PCLO: variants seen among roughly 807,000 people sequenced by gnomAD.
The protein encoded by PCLO is protein piccolo.
In PCLO, 82 loss-of-function variants were observed where a neutral mutation model predicts 427.5. The ratio of observed to expected loss-of-function variants is 0.19; its 90% CI spans 0.16 to 0.23. The LOEUF is 0.23. PCLO is among the 10% of genes least tolerant of loss of function. The probability of loss-of-function intolerance (pLI) is 1.00; values close to 1 mark genes in which losing one functional copy is unlikely to be tolerated. For missense variants in PCLO, 6,239 were observed against 6,115.9 expected, an observed-to-expected ratio of 1.02 and a Z score of -0.67; for synonymous variants, 2,357 against 2,155.4, an observed-to-expected ratio of 1.09 and a Z score of -2.59.
At chr7:82,971,198 G>A (rs114310813) in intron 3 of PCLO, among the ~76,000 whole-genome samples, 2,403 of 151,754 alleles carry the variant, frequency 0.016, 57 homozygotes, top group African/African-American at 0.048. Context: ...TTTCACTTAC[G>A]TAACAACTCA....
chr7:83,133,797 A>G (rs1240146491), intron 3 of PCLO, among the ~76,000 whole-genome samples: 1 of 152,062 alleles, frequency 6.6e-6, no homozygotes, highest in Non-Finnish European at 1.5e-5. Context: ...TATTCAACCA[A>G]ACAAACTTCT....
intron 3 of PCLO, among the ~76,000 whole-genome samples, chr7:82,989,033 G>C (rs1260705777): frequency 1.3e-5 from 2 of 151,580 alleles, no homozygotes; most frequent in Non-Finnish European, 2.9e-5. Context: ...TATGGGGTCA[G>C]GCTGGGTCTC....
At chr7:83,118,220 G>T (rs889577950) in intron 3 of PCLO, among the ~76,000 whole-genome samples, 1 of 152,066 alleles carries the variant, frequency 6.6e-6, no homozygotes, top group Non-Finnish European at 1.5e-5. Flanking sequence ...AATGTGGAAG[G>T]TTATTTTTAT....
intron 3 of PCLO, among the ~76,000 whole-genome samples, chr7:83,035,048 T>C (rs1395899254): frequency 6.6e-6 from 1 of 152,216 alleles, no homozygotes; most frequent in African/African-American, 2.4e-5. Flanking sequence ...CTTTAGGTGA[T>C]ATAATATCCA....
At chr7:82,826,695 TC>T in intron 17 of PCLO, 35 bp from the exon 18 acceptor site, 1 of 1,349,714 alleles carries the variant, frequency 7.4e-7, no homozygotes, top group Non-Finnish European at 1.0e-6. Flanking sequence ...ATTAAACCTA[TC>T]TTTCCATCAT....
Position 82,914,814 on chromosome 7 carries a change from T to C in PCLO, c.13172A>G (p.Gln4391Arg), listed in dbSNP as rs757742605. 6.2e-7 allele frequency: 1 copy of C among 1,613,514 alleles called. No homozygotes were observed. Among genetic ancestry groups the C allele is most frequent in the Non-Finnish European group, 8.5e-7 (1 of 1,179,702 alleles). Residue 4391 changes from glutamine (Q) to arginine (R), a missense_variant, in exon 7 of 25, where the codon CAG (glutamine) becomes CGG (arginine). Gln to Arg is a conservative substitution (Grantham distance 43, BLOSUM62 1). Coordinates refer to ENST00000333891, the MANE Select transcript of PCLO (RefSeq NM_033026.6). ...AGGCAATGAGTGGCTTGATCCAAAC[T>C]GATCCCTGGTGTCTGCAGATATTGG... is the stretch of plus-strand genomic sequence containing the variant. ...LPPISADTRD[Q>R]FGSSHSLPEV...
intron 3 of PCLO, among the ~76,000 whole-genome samples, chr7:83,005,374 A>G (rs1436958402): frequency 1.3e-5 from 2 of 151,706 alleles, no homozygotes; most frequent in African/African-American, 4.8e-5. Flanking sequence ...AGTCGAACTC[A>G]CAGAAACAGA....
chr7:82,829,278 G>C (rs1318717936), intron 16 of PCLO, among the ~76,000 whole-genome samples: 1 of 152,108 alleles, frequency 6.6e-6, no homozygotes, highest in Non-Finnish European at 1.5e-5. Context: ...TCTGGTGGTG[G>C]GAGGTGGGTC....
chr7:82,821,908 C>G, intron 20 of PCLO: 1 of 985,396 alleles, frequency 1.0e-6, no homozygotes, highest in Admixed American at 6.1e-5. Flanking sequence ...CAATTTTTTG[C>G]ACATGGAAAG....
chr7:82,764,706 C>A (rs1790497679), intron 22 of PCLO, among the ~76,000 whole-genome samples: 1 of 151,784 alleles, frequency 6.6e-6, no homozygotes, highest in East Asian at 1.9e-4. Flanking sequence ...CAAAGAAAGA[C>A]ACTGTATGAA....
At chr7:82,834,447 C>A (rs1403817048) in intron 16 of PCLO, among the ~76,000 whole-genome samples, 2 of 152,094 alleles carry the variant, frequency 1.3e-5, no homozygotes, top group Non-Finnish European at 1.5e-5. Flanking sequence ...GCTGTGGTAA[C>A]AAATCCTATT....
Position 82,954,964 on chromosome 7 carries a change from C to T in PCLO, c.5989G>A (p.Glu1997Lys), listed in dbSNP as rs1182422553. The change falls in exon 5 of 25, where the codon GAA (glutamate) becomes AAA (lysine). Residue 1997 changes from glutamate to lysine, a missense_variant. Transcript: ENST00000333891. ...KGREQKIRLS[E>K]QIYEDPMQKI... The stretch of plus-strand genomic sequence containing the variant: ...TGCATAGGATCTTCATAAATCTGTT[C>T]TGAAAGTCTTATCTTTTGCTCTCTT... 4 of 1,613,684 alleles carry T rather than the reference C, an allele frequency of 2.5e-6. No individual in the cohort carries two copies. Among genetic ancestry groups the T allele is most frequent in the Non-Finnish European group, 3.4e-6 (4 of 1,179,862 alleles).
intron 9 of PCLO, 103 bp downstream of exon 9, chr7:82,902,548 C>T (rs1394508579): frequency 3.1e-6 from 2 of 646,498 alleles, no homozygotes; most frequent in South Asian, 1.8e-5. Context: ...GCACATTGTG[C>T]ACATGTACCC....
intron 3 of PCLO, among the ~76,000 whole-genome samples, chr7:83,100,793 T>A (rs1443356622): frequency 6.6e-6 from 1 of 152,124 alleles, no homozygotes; most frequent in Non-Finnish European, 1.5e-5. Flanking sequence ...GTACTTGTAC[T>A]CCTAAACTTA....
At chr7:82,851,078 C>A (rs934841109) in intron 10 of PCLO, among the ~76,000 whole-genome samples, 53 of 151,854 alleles carry the variant, frequency 3.5e-4, no homozygotes, top group African/African-American at 1.2e-3. Context: ...ATAAAACAAC[C>A]CCTTATTTAC....
At position 82,948,489 on chromosome 7, in the gene PCLO, A is replaced by G. The variant is rs1175337224; in HGVS notation, c.11112+987T>C. 3.3e-5 allele frequency among the ~76,000 whole-genome samples: 5 copies of G among 152,102 alleles called. No individual in the cohort carries two copies. The South Asian group carries it at 6.2e-4, about 19-fold the overall frequency. On this transcript the variant is annotated intron_variant, in intron 6 of 24. Coordinates refer to ENST00000333891, the MANE Select transcript of PCLO (RefSeq NM_033026.6). ...GGAAATGTAACACCATCTCAGAAAA[A>G]CCTACTTAGAAACTTCAGGGTTCAA...
At chr7:82,973,313 G>A (rs1795946649) in intron 3 of PCLO, among the ~76,000 whole-genome samples, 1 of 151,906 alleles carries the variant, frequency 6.6e-6, no homozygotes, top group Non-Finnish European at 1.5e-5. Flanking sequence ...TTCATATTTT[G>A]TTTCTTTTAA....
intron 23 of PCLO, among the ~76,000 whole-genome samples, chr7:82,760,999 T>G (rs1393414843): frequency 2.9e-5 from 4 of 139,128 alleles, no homozygotes; most frequent in East Asian, 4.6e-4. Context: ...GTCACCAGTC[T>G]GGAATGCAGT....
rs372321999 is a variant in PCLO, at chr7:82,951,220, G to A, written c.9368C>T (p.Thr3123Met). Residue 3123 changes from threonine (T) to methionine (M), a missense_variant, in exon 6 of 25, where the codon ACG (threonine) becomes ATG (methionine). Thr to Met is a moderately conservative substitution (Grantham distance 81). Coordinates refer to ENST00000333891, the MANE Select transcript of PCLO (RefSeq NM_033026.6). Reference protein sequence around the residue: ...TTVRDLSGIHTADAVTSLPAM... With the variant: ...TTVRDLSGIHMADAVTSLPAM... ...AGGTAATGAAGTCACTGCATCAGCC[G>A]TATGAATACCAGACAAATCCCTCAC... is the stretch of plus-strand genomic sequence containing the variant. 8.8e-5 allele frequency: 142 copies of A among 1,613,518 alleles called. 3 individuals are homozygous for A. In the South Asian group the frequency reaches 1.1e-3, roughly 12 times the overall value.
Sources: allele counts gnomAD v4.1 joint callset (sites outside exome capture counted in the v4.1 genomes callset), GRCh38; gene constraint gnomAD v4.1.1; transcripts MANE v1.5; gene names NCBI Gene and HGNC (gene_info 2026-07-23, HGNC 2026-07-21).